Variants in CSMD1 observed in about 807,000 individuals in gnomAD.
The protein encoded by CSMD1 is CUB and Sushi multiple domains 1.
Under a neutral mutation model 417.5 loss-of-function variants are expected in CSMD1, and 213 were observed. The ratio of observed to expected loss-of-function variants is 0.51; its 90% CI spans 0.46 to 0.57. The LOEUF is 0.57. CSMD1 is among the 20% of genes least tolerant of loss of function. CSMD1 has a pLI of 0.00. For synonymous variants in CSMD1, 2,862 were observed against 1,736.8 expected (o/e 1.65, Z -16.11); for missense variants, 6,923 against 4,529.7 (o/e 1.53, Z -15.17).
At chr8:3,263,237 T>A (rs973329005) in intron 26 of CSMD1, among the ~76,000 whole-genome samples, 5 of 152,218 alleles carry the variant, frequency 3.3e-5, no homozygotes, top group African/African-American at 1.2e-4. Context: ...TACCTGGGAT[T>A]ACAGGTGTGT....
chr8:3,328,842 A>C (rs546059142), intron 23 of CSMD1, among the ~76,000 whole-genome samples: 4 of 152,370 alleles, frequency 2.6e-5, no homozygotes, highest in Admixed American at 6.5e-5. Flanking sequence ...CTTTTAAATA[A>C]AAGGCACTAA....
At chr8:3,674,126 C>T (rs1298454478) in intron 7 of CSMD1, among the ~76,000 whole-genome samples, 1 of 151,272 alleles carries the variant, frequency 6.6e-6, no homozygotes, top group African/African-American at 2.4e-5. Context: ...AAAAATCTCC[C>T]TAGAAACTGT....
intron 1 of CSMD1, among the ~76,000 whole-genome samples, chr8:4,986,572 A>G (rs1811189759): frequency 6.6e-6 from 1 of 152,156 alleles, no homozygotes. Flanking sequence ...AACACGAATG[A>G]TATCAGAGTA....
intron 3 of CSMD1, among the ~76,000 whole-genome samples, chr8:4,327,199 T>A (rs34965178): frequency 0.12 from 18,704 of 152,198 alleles, 1,481 homozygotes; most frequent in Middle Eastern, 0.2. Context: ...AAATAACACA[T>A]TACATATCTT....
intron 4 of CSMD1, among the ~76,000 whole-genome samples, chr8:4,010,899 G>A (rs1210569326): frequency 1.3e-5 from 2 of 152,126 alleles, no homozygotes; most frequent in African/African-American, 4.8e-5. Context: ...CATACTGAAA[G>A]GTCTAACTTT....
Position 2,973,187 on chromosome 8 carries a change from C to T in CSMD1, c.8853G>A (p.Gln2951=). The change falls in exon 57 of 70, where the codon CAG becomes CAA. Residue 2951 remains glutamine (Q), a synonymous_variant. Transcript: ENST00000635120. Reference sequence around the variant, plus strand: ...ACGTGCGTTCAGGGGAGCCCCTCAGCTGGTGCCCCATTTCACAGGAGAAGC... The same window carrying T: ...ACGTGCGTTCAGGGGAGCCCCTCAGTTGGTGCCCCATTTCACAGGAGAAGC... ...LLRFSCEMGH[Q]LRGSPERTCL... 1 of 1,613,876 alleles carries T rather than the reference C, an allele frequency of 6.2e-7. No homozygotes were observed. Among genetic ancestry groups the T allele is most frequent in the Non-Finnish European group, 8.5e-7 (1 of 1,179,788 alleles).
chr8:2,952,487 C>G (rs971957247), intron 65 of CSMD1, among the ~76,000 whole-genome samples: 1 of 152,074 alleles, frequency 6.6e-6, no homozygotes, highest in African/African-American at 2.4e-5. Context: ...ACCCCACTTT[C>G]TCATAATAAT....
intron 4 of CSMD1, among the ~76,000 whole-genome samples, chr8:4,026,890 T>C (rs779572214): frequency 2.6e-5 from 4 of 152,118 alleles, no homozygotes; most frequent in Non-Finnish European, 5.9e-5. Flanking sequence ...AGGTGTAGTA[T>C]GCTGCTGAGC....
At chr8:4,155,320 TAG>T (rs1796774671) in intron 3 of CSMD1, among the ~76,000 whole-genome samples, 1 of 152,164 alleles carries the variant, frequency 6.6e-6, no homozygotes, top group Non-Finnish European at 1.5e-5. Flanking sequence ...GGTCTCGCAT[TAG>T]AGTCTCACCT....
intron 3 of CSMD1, among the ~76,000 whole-genome samples, chr8:4,166,072 C>T (rs184987526): frequency 1.3e-5 from 2 of 152,138 alleles, no homozygotes; most frequent in Non-Finnish European, 2.9e-5. Flanking sequence ...AATTCCCAAT[C>T]TTGCATTAAT....
chr8:3,232,862 T>C (rs1397934278), intron 26 of CSMD1, among the ~76,000 whole-genome samples: 1 of 152,296 alleles, frequency 6.6e-6, no homozygotes, highest in African/African-American at 2.4e-5. Flanking sequence ...ATGTATTTAG[T>C]TGTAATAGTC....
intron 5 of CSMD1, among the ~76,000 whole-genome samples, chr8:3,864,686 G>C (rs557757293): frequency 8.6e-5 from 13 of 151,980 alleles, no homozygotes; most frequent in Non-Finnish European, 1.9e-4. Context: ...GACTGATGAA[G>C]GTGCCCTACT....
chr8:4,761,916 T>TATCTATCA (rs1554472659), intron 1 of CSMD1, among the ~76,000 whole-genome samples: 120 of 125,630 alleles, frequency 9.6e-4, no homozygotes, highest in African/African-American at 3.9e-3. Context: ...TCTATCAATC[T>TATCTATCA]ATCTATCTAT....
intron 5 of CSMD1, among the ~76,000 whole-genome samples, chr8:3,864,454 G>A (rs773310899): frequency 3.9e-5 from 6 of 152,182 alleles, no homozygotes; most frequent in African/African-American, 1.2e-4. Context: ...AGGGGTTAAG[G>A]AAAAGAGGGA....
intron 1 of CSMD1, among the ~76,000 whole-genome samples, chr8:4,857,521 A>C (rs1218358174): frequency 6.6e-6 from 1 of 152,210 alleles, no homozygotes; most frequent in Non-Finnish European, 1.5e-5. Context: ...GACCGCTAGC[A>C]AGACTAATGA....
At chr8:3,677,361 G>A (rs971281443) in intron 7 of CSMD1, among the ~76,000 whole-genome samples, 10 of 152,066 alleles carry the variant, frequency 6.6e-5, no homozygotes, top group African/African-American at 2.4e-4. Context: ...GAATAAATAA[G>A]CAGTTATTTG....
intron 3 of CSMD1, among the ~76,000 whole-genome samples, chr8:4,160,061 C>G (rs1193684449): frequency 6.6e-6 from 1 of 151,224 alleles, no homozygotes; most frequent in African/African-American, 2.4e-5. Context: ...CCAAATACCA[C>G]CTGTTCTCCA....
At chr8:3,577,782 T>C (rs538792445) in intron 9 of CSMD1, among the ~76,000 whole-genome samples, 1 of 152,230 alleles carries the variant, frequency 6.6e-6, no homozygotes, top group African/African-American at 2.4e-5. Flanking sequence ...TTCTTTACCA[T>C]CTGATGATGC....
intron 2 of CSMD1, among the ~76,000 whole-genome samples, chr8:4,469,505 G>C (rs934837658): frequency 3.3e-5 from 5 of 152,132 alleles, no homozygotes; most frequent in East Asian, 1.9e-4. Context: ...ATTTTACCTA[G>C]AACCAAACCT....
Sources: gnomAD v4.1 joint callset for allele counts (sites outside exome capture counted in the v4.1 genomes callset) on GRCh38, gnomAD v4.1.1 for gene constraint, MANE v1.5 for transcripts, NCBI Gene and HGNC (gene_info 2026-07-23, HGNC 2026-07-21) for gene names.